The following MKNK2 variants were observed in gnomAD, a reference collection of about 807,000 sequenced individuals.
MKNK2 encodes MAP kinase-interacting serine/threonine-protein kinase 2.
A neutral mutation model predicts 55.0 loss-of-function variants in MKNK2; 54 were observed. The observed-to-expected ratio is 0.98, with a 90% CI of 0.79 to 1.23. The LOEUF is 1.23. Ranked by LOEUF, MKNK2 falls within the 50% of genes most tolerant of loss-of-function variation. The pLI is 0.00. For missense variants in MKNK2, 685 were observed against 632.1 expected (o/e 1.08, Z -0.90); for synonymous variants, 323 against 256.0 (o/e 1.26, Z -2.50).
chr19:2,039,947 T>C, intron 13 of MKNK2, 91 bp from the exon 14 acceptor site: 1 of 1,458,690 alleles, frequency 6.9e-7, no homozygotes, highest in Middle Eastern at 1.9e-4. Context: ...AGGGGCTTCA[T>C]GCCCCCCTCC....
intron 2 of MKNK2, among the ~76,000 whole-genome samples, chr19:2,048,213 CA>C (rs1727664036): frequency 6.6e-6 from 1 of 152,114 alleles, no homozygotes; most frequent in African/African-American, 2.4e-5. Context: ...AGGCCTGTTG[CA>C]CTGGGCAGGC....
At chr19:2,045,345 AG>A (rs2016974514) in intron 5 of MKNK2, among the ~76,000 whole-genome samples, 3 of 152,152 alleles carry the variant, frequency 2.0e-5, no homozygotes, top group Admixed American at 6.5e-5. Flanking sequence ...CTGTGCTCAG[AG>A]GAACGCCTGC....
Position 2,040,302 on chromosome 19 carries a change from G to A in MKNK2, c.1111-125C>T, listed in dbSNP as rs982872334. 2.0e-5 allele frequency: 17 copies of A among 830,552 alleles called. No homozygotes were observed. In the African/African-American group the frequency reaches 2.6e-4, roughly 13 times the overall value. 51.4% of individuals were successfully genotyped at this position (830,552 alleles called of 1,614,324 possible). ...ACCAGGACCCCACCGGAGACCAGGA[G>A]TGCACCTGGGTGCCCCGGGAGCCAA... On this transcript the variant is annotated intron_variant, in intron 12 of 13. Coordinates refer to ENST00000250896, the MANE Select transcript of MKNK2 (RefSeq NM_199054.3).
chr19:2,039,216 T>A lies in MKNK2; in HGVS notation c.*397A>T. 1.3e-5 allele frequency: 14 copies of A among 1,046,256 alleles called. No individual in the cohort carries two copies. The highest frequency in any genetic ancestry group is 1.6e-5 in the Non-Finnish European group (14 of 867,226). The allele number at this position is 1,046,256 out of a possible 1,614,324, so 64.8% of individuals were successfully genotyped here. ...TGTGCCCCTCCCCAGCTCTGCAAGATGGCAAACGCTGTGGGCCTGCTCTCC... is the reference window on the plus strand; with the variant it reads ...TGTGCCCCTCCCCAGCTCTGCAAGAAGGCAAACGCTGTGGGCCTGCTCTCC... On this transcript the variant is annotated 3_prime_UTR_variant, in exon 14 of 14. Transcript: ENST00000250896.
At chr19:2,041,566 G>A (rs985077718) in intron 11 of MKNK2, among the ~76,000 whole-genome samples, 8 of 152,128 alleles carry the variant, frequency 5.3e-5, no homozygotes, top group Admixed American at 2.6e-4. Flanking sequence ...AAAAGCCTTC[G>A]GGAAACTGGC....
chr19:2,039,728 C>T lies in MKNK2; in HGVS notation c.1283G>A (p.Arg428Gln), dbSNP rs34475638. The T allele has an allele frequency of 0.02, 32,809 of 1,611,158 alleles. 406 individuals carry two copies. The highest frequency in any genetic ancestry group is 0.024 in the Non-Finnish European group (28,414 of 1,179,830). Residue 428 changes from arginine (R) to glutamine (Q), a missense_variant, in exon 14 of 14, where the codon CGA (arginine) becomes CAA (glutamine). By Grantham distance (43) the Arg-to-Gln change is conservative. Transcript: ENST00000250896. ...CAGCTGCAGGCAGCGTGAGGTAGCTCGGACCAGGACGGGCTGGCCCTGCCC... is the reference window on the plus strand; with the variant it reads ...CAGCTGCAGGCAGCGTGAGGTAGCTTGGACCAGGACGGGCTGGCCCTGCCC... The part of the protein sequence containing the change: ...AAGQGQPVLV[R>Q]ATSRCLQLSP...
At position 2,037,850 on chromosome 19, in the gene MKNK2, A is replaced by C. The variant is rs778776283; in HGVS notation, c.*1763T>G. On this transcript the variant is annotated 3_prime_UTR_variant, in exon 14 of 14. Transcript: ENST00000250896. ...CCCACCTTCAGAAAAAAAAAAAAAA[A>C]CAAACAAACAAACGCTGCTAGCCAC... 2.6e-6 allele frequency: 4 copies of C among 1,548,986 alleles called. 1 individual carries two copies. Among genetic ancestry groups the C allele is most frequent in the South Asian group, 2.3e-5 (2 of 85,342 alleles).
At chr19:2,049,475 C>T (rs953958467) in intron 2 of MKNK2, among the ~76,000 whole-genome samples, 14 of 152,348 alleles carry the variant, frequency 9.2e-5, no homozygotes, top group African/African-American at 3.1e-4. Flanking sequence ...GCCCACCTTC[C>T]CAGCTCCCAG....
chr19:2,041,665 C>A (rs2016885370), intron 11 of MKNK2, among the ~76,000 whole-genome samples, 175 bp downstream of exon 11: 1 of 151,896 alleles, frequency 6.6e-6, no homozygotes, highest in Non-Finnish European at 1.5e-5. Flanking sequence ...CAGAGTAGGT[C>A]CCCGGGGGTC....
intron 5 of MKNK2, among the ~76,000 whole-genome samples, chr19:2,044,746 G>A (rs1339954079): frequency 2.0e-5 from 3 of 152,260 alleles, no homozygotes; most frequent in Non-Finnish European, 2.9e-5. Context: ...CACCCAGGCC[G>A]CTGCTGAAAG....
At chr19:2,044,175 T>C (rs1458624538) in intron 5 of MKNK2, among the ~76,000 whole-genome samples, 1 of 151,462 alleles carries the variant, frequency 6.6e-6, no homozygotes, top group Non-Finnish European at 1.5e-5. Flanking sequence ...ACAGGGTGGG[T>C]ACCTGGTCAC....
At position 2,039,882 on chromosome 19, in the gene MKNK2, G is replaced by T. The variant is rs371422746; in HGVS notation, c.1155-26C>A. ...CTGGGAAACGGGGTGGGGGTAGGTG[G>T]TCACCAAGAGGCACCCCTCAGGGGA... On this transcript the variant is annotated intron_variant, in intron 13 of 13. Transcript: ENST00000250896. 5.7e-6 allele frequency: 9 copies of T among 1,577,244 alleles called. No homozygotes were observed. In the African/African-American group the frequency reaches 1.1e-4, roughly 19 times the overall value.
Position 2,042,627 on chromosome 19 carries a change from G to A in MKNK2, c.634C>T (p.Leu212Phe), listed in dbSNP as rs2016914641. The A allele has an allele frequency of 1.3e-6, 2 of 1,565,162 alleles. No homozygotes were observed. Reference protein sequence around the residue: ...AHRDLKPENILCEHPNQVSPV... With the variant: ...AHRDLKPENIFCEHPNQVSPV... ...CCTACCTGGTTGGGGTGCTCACAGA[G>A]GATGTTTTCCGGCTTTAGGTCCCTG... Residue 212 changes from leucine (L) to phenylalanine (F), a missense_variant, in exon 9 of 14, where the codon CTC becomes TTC. By Grantham distance (22) the Leu-to-Phe change is conservative. Coordinates refer to ENST00000250896, the MANE Select transcript of MKNK2 (RefSeq NM_199054.3).
At chr19:2,039,914 G>T in intron 13 of MKNK2, 58 bp from the exon 14 acceptor site, 1 of 1,548,282 alleles carries the variant, frequency 6.5e-7, no homozygotes, top group Non-Finnish European at 8.7e-7. Context: ...GGGACCCCTG[G>T]GGTCTGTGAA....
intron 13 of MKNK2, 98 bp from the exon 14 acceptor site, chr19:2,039,954 C>T (rs112125871): frequency 1.4e-6 from 2 of 1,444,338 alleles, no homozygotes; most frequent in African/African-American, 1.4e-5. Flanking sequence ...TCATGCCCCC[C>T]TCCCAGCCCC....
chr19:2,040,526 AAGG>A (rs1167899900), intron 12 of MKNK2: 7 of 341,552 alleles, frequency 2.0e-5, no homozygotes, highest in Non-Finnish European at 3.8e-5. Flanking sequence ...ATGCTTCTGC[AAGG>A]AGATTGGAGG....
At position 2,051,144 on chromosome 19, in the gene MKNK2, G is replaced by A. The variant is rs1359024212; in HGVS notation, c.-145C>T. 5 of 169,002 alleles carry A rather than the reference G, an allele frequency of 3.0e-5. No homozygotes were observed. The highest frequency in any genetic ancestry group is 1.6e-4 in the East Asian group (1 of 6,152). The allele number at this position is 169,002 out of a possible 1,614,324, so 10.5% of individuals were successfully genotyped here. On this transcript the variant is annotated 5_prime_UTR_variant, in exon 1 of 14. Transcript: ENST00000250896. ...CGCAGTGCCGCCGCCGCCCCACGTCGCGCAGCCCGGACCCCGCTCCGCGGA... is the reference window on the plus strand; with the variant it reads ...CGCAGTGCCGCCGCCGCCCCACGTCACGCAGCCCGGACCCCGCTCCGCGGA...
intron 12 of MKNK2, chr19:2,040,414 C>T (rs574569082): frequency 3.8e-6 from 2 of 523,390 alleles, no homozygotes; most frequent in Non-Finnish European, 6.7e-6. Flanking sequence ...CCTGGTGTTA[C>T]AGGACCCAGT....
At position 2,038,776 on chromosome 19, in the gene MKNK2, C is replaced by T; in HGVS notation, c.*837G>A. The T allele has an allele frequency of 1.0e-6, 1 of 985,646 alleles. No homozygotes were observed. Among genetic ancestry groups the T allele is most frequent in the African/African-American group, 1.7e-5 (1 of 57,360 alleles). 61.1% of individuals were successfully genotyped at this position (985,646 alleles called of 1,614,324 possible). On this transcript the variant is annotated 3_prime_UTR_variant, in exon 14 of 14. Transcript: ENST00000250896. ...CCCCACATTGGCTGACAGTGCCTGT[C>T]CAGCCCCTCTGCCTGCTGCGGTGGA...
Sources: gnomAD v4.1 joint callset for allele counts (sites outside exome capture counted in the v4.1 genomes callset) on GRCh38, gnomAD v4.1.1 for gene constraint, MANE v1.5 for transcripts, NCBI Gene and HGNC (gene_info 2026-07-23, HGNC 2026-07-21) for gene names.